The following HTT variants were observed in gnomAD, a reference collection of about 807,000 sequenced individuals.
HTT encodes the protein huntingtin, also known as huntington disease protein.
Under a neutral mutation model 362.3 loss-of-function variants are expected in HTT, and 104 were observed. The ratio of observed to expected loss-of-function variants is 0.29; its 90% confidence interval spans 0.24 to 0.34. The LOEUF (loss-of-function observed/expected upper bound fraction) is 0.34, where lower values mean the gene tolerates loss of function less well. HTT is among the 10% of genes least tolerant of loss of function. HTT has a pLI of 1.00. For missense variants in HTT, 3,301 were observed against 3,928.6 expected (o/e 0.84, Z 4.27); for synonymous variants, 1,577 against 1,548.7 (o/e 1.02, Z -0.43).
intron 1 of HTT, among the ~76,000 whole-genome samples, chr4:3,078,638 G>C (rs1372997001): frequency 6.6e-6 from 1 of 151,736 alleles, no homozygotes; most frequent in Non-Finnish European, 1.5e-5. Flanking sequence ...GTGTGATCTT[G>C]GCTCACTGCA....
rs1014877819 is a variant in HTT, at chr4:3,075,038, G to A, written c.213G>A (p.Pro71=). The A allele has an allele frequency of 1.6e-6, 2 of 1,246,356 alleles. No individual in the cohort carries two copies. Among genetic ancestry groups the A allele is most frequent in the East Asian group, 3.2e-5 (1 of 30,954 alleles). 77.2% of individuals were successfully genotyped at this position (1,246,356 alleles called of 1,614,324 possible). A position where few individuals can be genotyped will look rare whatever the true frequency, so the allele number is the denominator to read the frequency against. Residue 71 remains proline (P), a synonymous_variant, in exon 1 of 67, where the codon CCG becomes CCA. Transcript: ENST00000355072. ...CTCAGCCGCAGCCGCCCCCGCCGCC[G>A]CCCCCGCCGCCACCCGGCCCGGCTG... The part of the protein sequence containing the change: ...LLPQPQPPPP[P]PPPPPGPAVA...
intron 27 of HTT, among the ~76,000 whole-genome samples, chr4:3,155,405 T>C (rs1054820814): frequency 1.3e-5 from 2 of 150,270 alleles, no homozygotes; most frequent in African/African-American, 4.9e-5. Context: ...GTATTTTTTA[T>C]TAGTGGAGAC....
chr4:3,119,934 TACTCA>T (rs1439638114), intron 8 of HTT, among the ~76,000 whole-genome samples: 1 of 152,202 alleles, frequency 6.6e-6, no homozygotes, highest in African/African-American at 2.4e-5. Flanking sequence ...CTGTGGCAGC[TACTCA>T]ACACTACCTT....
At chr4:3,095,278 A>G (rs1229971102) in intron 2 of HTT, among the ~76,000 whole-genome samples, 3 of 152,224 alleles carry the variant, frequency 2.0e-5, no homozygotes, top group African/African-American at 7.2e-5. Context: ...CAATCCCGGC[A>G]CCTCGGGAGG....
At chr4:3,214,990 T>C in intron 50 of HTT, 120 bp from the exon 51 acceptor site, 1 of 736,974 alleles carries the variant, frequency 1.4e-6, no homozygotes, top group South Asian at 1.8e-5. Flanking sequence ...TTCTAAGGAA[T>C]CTAGGCTAGT....
chr4:3,199,355 C>T (rs565099016), intron 40 of HTT, among the ~76,000 whole-genome samples: 21 of 152,252 alleles, frequency 1.4e-4, no homozygotes, highest in African/African-American at 2.6e-4. Context: ...GCCTGGCCAA[C>T]ATGGTGAAAC....
chr4:3,173,172 G>A (rs373613788), intron 31 of HTT, 41 bp downstream of exon 31: 32 of 1,484,622 alleles, frequency 2.2e-5, no homozygotes, highest in Middle Eastern at 3.4e-4. Context: ...GTGGAAGCAC[G>A]AAAGAGCAAG....
At position 3,208,732 on chromosome 4, in the gene HTT, A is replaced by C. The variant is rs3775063; in HGVS notation, c.6153-41A>C. 1.8e-4 allele frequency: 283 copies of C among 1,546,712 alleles called. No individual in the cohort carries two copies. In the East Asian group the frequency reaches 5.4e-3, roughly 29 times the overall value. ...TTAGACTAAGACTAAAAAAAAAAAA[A>C]AACAAATTATACTGTAATTTCATTT... On this transcript the variant is annotated intron_variant, in intron 45 of 66. Coordinates refer to ENST00000355072, the MANE Select transcript of HTT (RefSeq NM_001388492.1).
chr4:3,225,219 C>T (rs927572607), intron 56 of HTT, among the ~76,000 whole-genome samples: 8 of 152,234 alleles, frequency 5.3e-5, no homozygotes, highest in African/African-American at 1.9e-4. Context: ...TGTATCTGGT[C>T]AGCCTGGGCA....
At chr4:3,215,687 T>G (rs1720364118) in intron 51 of HTT, among the ~76,000 whole-genome samples, 1 of 151,786 alleles carries the variant, frequency 6.6e-6, no homozygotes, top group African/African-American at 2.4e-5. Flanking sequence ...GGTGGATATT[T>G]AAAAGAAAAT....
At chr4:3,156,145 A>T (rs1427764362) in intron 27 of HTT, among the ~76,000 whole-genome samples, 1 of 151,904 alleles carries the variant, frequency 6.6e-6, no homozygotes, top group African/African-American at 2.4e-5. Flanking sequence ...TTTTTTTGAG[A>T]TGGAGTCTTC....
intron 47 of HTT, 164 bp from the exon 48 acceptor site, chr4:3,211,765 C>T (rs1578592936): frequency 1.7e-6 from 1 of 572,010 alleles, no homozygotes; most frequent in East Asian, 2.8e-5. Flanking sequence ...ATATTTATAA[C>T]AGGCATAGAG....
At chr4:3,209,985 C>G in intron 47 of HTT, 36 bp downstream of exon 47, 1 of 1,606,640 alleles carries the variant, frequency 6.2e-7, no homozygotes, top group African/African-American at 1.3e-5. Context: ...GAATCCTCAG[C>G]TTTTCTTGTG....
chr4:3,139,584 T>G (rs954046037), intron 21 of HTT, among the ~76,000 whole-genome samples: 10 of 152,248 alleles, frequency 6.6e-5, no homozygotes, highest in African/African-American at 2.4e-4. Context: ...ATCATGGGGC[T>G]TGCAGACCAA....
intron 1 of HTT, among the ~76,000 whole-genome samples, chr4:3,080,156 G>A (rs1712816664): frequency 6.8e-6 from 1 of 147,404 alleles, no homozygotes; most frequent in African/African-American, 2.5e-5. Context: ...GTGCAATGAT[G>A]TGATCTCAGC....
At chr4:3,118,228 T>C (rs1404336925) in intron 8 of HTT, among the ~76,000 whole-genome samples, 4 of 152,252 alleles carry the variant, frequency 2.6e-5, no homozygotes, top group East Asian at 1.9e-4. Flanking sequence ...GTATTTCTTA[T>C]ATAATATTTT....
At chr4:3,094,124 C>T (rs529637524) in intron 2 of HTT, among the ~76,000 whole-genome samples, 2,392 of 151,620 alleles carry the variant, frequency 0.016, 29 homozygotes, top group Non-Finnish European at 0.024. Context: ...TGACTCTTAA[C>T]GAGTATGCTG....
At chr4:3,086,477 G>T (rs571724740) in intron 1 of HTT, among the ~76,000 whole-genome samples, 8 of 152,108 alleles carry the variant, frequency 5.3e-5, no homozygotes, top group African/African-American at 1.9e-4. Flanking sequence ...TTGAGCAATT[G>T]GGCAACATCG....
Position 3,121,462 on chromosome 4 carries a change from A to G in HTT, c.1273+30A>G, listed in dbSNP as rs376857691. On this transcript the variant is annotated intron_variant, in intron 9 of 66. Transcript: ENST00000355072. ...GTTATTAGCAAGGTCTACTCTTACA[A>G]TTAACTTTGCAGTAATACTAGTTAC... 11 of 1,512,750 alleles carry G rather than the reference A, an allele frequency of 7.3e-6. No homozygotes were observed. The East Asian group carries it at 1.6e-4, about 22-fold the overall frequency. 93.7% of individuals were successfully genotyped at this position (1,512,750 alleles called of 1,614,324 possible).
Sources: gnomAD v4.1 joint callset for allele counts (sites outside exome capture counted in the v4.1 genomes callset) on GRCh38, gnomAD v4.1.1 for gene constraint, MANE v1.5 for transcripts, NCBI Gene and HGNC (gene_info 2026-07-23, HGNC 2026-07-21) for gene names.